CDK14: variants seen among roughly 807,000 people sequenced by gnomAD.
CDK14 encodes the protein cyclin-dependent kinase 14.
A neutral mutation model predicts 60.7 loss-of-function variants in CDK14; 34 were observed. The ratio of observed to expected loss-of-function variants is 0.56; its 90% confidence interval spans 0.43 to 0.75. CDK14 has a LOEUF of 0.75. Ranked by LOEUF, CDK14 falls within the 30% of genes least tolerant of loss-of-function variation. The pLI, the probability that CDK14 is intolerant of heterozygous loss-of-function variation, is 0.00. For missense variants in CDK14, 482 were observed against 564.1 expected, an observed-to-expected ratio of 0.85 and a Z score of 1.47; for synonymous variants, 197 against 203.7, an observed-to-expected ratio of 0.97 and a Z score of 0.28.
At chr7:90,999,287 C>T (rs975059199) in intron 10 of CDK14, among the ~76,000 whole-genome samples, 1 of 151,952 alleles carries the variant, frequency 6.6e-6, no homozygotes, top group Admixed American at 6.6e-5. Flanking sequence ...CAAGCTGAAG[C>T]ATTAAAAACC....
chr7:91,037,112 T>C (rs1369742349), intron 10 of CDK14, among the ~76,000 whole-genome samples: 2 of 152,238 alleles, frequency 1.3e-5, no homozygotes. Flanking sequence ...CCTGTTCCCA[T>C]CTTGAACGAT....
chr7:91,076,820 A>G (rs935102716), intron 11 of CDK14, among the ~76,000 whole-genome samples: 4 of 152,234 alleles, frequency 2.6e-5, no homozygotes, highest in African/African-American at 9.6e-5. Flanking sequence ...AAACAACCCC[A>G]TCAAAAAGTG....
chr7:90,949,246 C>T (rs2117540913), intron 8 of CDK14, among the ~76,000 whole-genome samples: 1 of 151,998 alleles, frequency 6.6e-6, no homozygotes, highest in South Asian at 2.1e-4. Context: ...CTATTGTTGT[C>T]CAGGCTGGAG....
intron 2 of CDK14, among the ~76,000 whole-genome samples, chr7:90,687,050 T>C (rs1801453485): frequency 6.6e-6 from 1 of 152,142 alleles, no homozygotes; most frequent in Non-Finnish European, 1.5e-5. Context: ...TGATTGAATT[T>C]TTTTTTTAAG....
At chr7:90,672,324 C>G (rs1424110197) in intron 2 of CDK14, among the ~76,000 whole-genome samples, 1 of 152,034 alleles carries the variant, frequency 6.6e-6, no homozygotes. Flanking sequence ...CACCCACTTA[C>G]GTGCCCTCCT....
At chr7:90,621,786 A>AT (rs1277723028) in intron 2 of CDK14, among the ~76,000 whole-genome samples, 1 of 151,832 alleles carries the variant, frequency 6.6e-6, no homozygotes, top group East Asian at 1.9e-4. Flanking sequence ...ACCTTATTTA[A>AT]TTTTCCCAGT....
chr7:90,706,260 C>T (rs934316597), intron 2 of CDK14, among the ~76,000 whole-genome samples: 2 of 152,136 alleles, frequency 1.3e-5, no homozygotes, highest in African/African-American at 4.8e-5. Flanking sequence ...TGCAGCTTTG[C>T]GCTCTCCCTG....
intron 5 of CDK14, among the ~76,000 whole-genome samples, chr7:90,823,489 G>C (rs544802869): frequency 1.2e-4 from 18 of 152,152 alleles, no homozygotes; most frequent in Non-Finnish European, 2.6e-4. Flanking sequence ...TGGCACAAAG[G>C]CTTCCGGCAC....
chr7:90,681,348 C>T (rs377174185), intron 2 of CDK14, among the ~76,000 whole-genome samples: 6 of 152,088 alleles, frequency 3.9e-5, no homozygotes, highest in South Asian at 2.1e-4. Context: ...GTACTTAGTT[C>T]GCTTGTTTGA....
chr7:90,651,949 AT>A (rs1179907940), intron 2 of CDK14, among the ~76,000 whole-genome samples: 6 of 152,094 alleles, frequency 3.9e-5, no homozygotes, highest in Admixed American at 1.3e-4. Flanking sequence ...ACACTGTATA[AT>A]TTTGGCTTTA....
In CDK14 at chr7:91,134,173, C is replaced by T. The variant is rs558962828; in HGVS notation, c.*28+15965C>T. 2.0e-5 allele frequency among the ~76,000 whole-genome samples: 3 copies of T among 152,182 alleles called. No homozygotes were observed. The South Asian group carries it at 6.2e-4, about 32-fold the overall frequency. On this transcript the variant is annotated intron_variant, in intron 14 of 14. Transcript: ENST00000380050. ...ATGAAACAATATGTACTTTCCTATG[C>T]CAAGACTAATTCTACAACATTGCTT...
At chr7:91,086,671 G>A (rs1003175289) in intron 12 of CDK14, among the ~76,000 whole-genome samples, 6 of 151,744 alleles carry the variant, frequency 4.0e-5, no homozygotes, top group Admixed American at 1.3e-4. Flanking sequence ...GTGTGTGTGT[G>A]TGTGTGTGTG....
intron 4 of CDK14, among the ~76,000 whole-genome samples, chr7:90,783,192 T>A (rs1805418809): frequency 1.3e-5 from 2 of 152,198 alleles, no homozygotes; most frequent in South Asian, 4.1e-4. Flanking sequence ...TAGCAATCAA[T>A]TCTTTTTATA....
chr7:91,138,016 C>A (rs1316796554), intron 14 of CDK14, among the ~76,000 whole-genome samples: 1 of 152,126 alleles, frequency 6.6e-6, no homozygotes, highest in Non-Finnish European at 1.5e-5. Context: ...AAATAGAGTT[C>A]TGTGGAATGG....
chr7:90,867,214 T>G (rs1791221120), intron 6 of CDK14, among the ~76,000 whole-genome samples: 1 of 152,212 alleles, frequency 6.6e-6, no homozygotes, highest in Admixed American at 6.5e-5. Flanking sequence ...TTATTATAGC[T>G]GTCTTTTTTC....
intron 2 of CDK14, among the ~76,000 whole-genome samples, chr7:90,616,291 A>G (rs997820151): frequency 6.6e-6 from 1 of 152,208 alleles, no homozygotes; most frequent in African/African-American, 2.4e-5. Flanking sequence ...TAATGAAAAC[A>G]TTTTTTATTA....
At chr7:90,917,106 C>G (rs1208365209) in intron 7 of CDK14, among the ~76,000 whole-genome samples, 1 of 152,120 alleles carries the variant, frequency 6.6e-6, no homozygotes, top group East Asian at 1.9e-4. Context: ...TTCAGATCAT[C>G]TTATCTTTCC....
chr7:90,654,462 A>C (rs1301170758), intron 2 of CDK14, among the ~76,000 whole-genome samples: 2 of 152,202 alleles, frequency 1.3e-5, no homozygotes, highest in East Asian at 3.8e-4. Flanking sequence ...ATTTAGCTTA[A>C]TGAAACAACA....
chr7:90,615,048 T>C (rs1366395702), intron 2 of CDK14, among the ~76,000 whole-genome samples: 1 of 152,160 alleles, frequency 6.6e-6, no homozygotes, highest in African/African-American at 2.4e-5. Flanking sequence ...ATAATGAAAT[T>C]AATAGTTTTC....
Sources: gnomAD v4.1 joint callset for allele counts (sites outside exome capture counted in the v4.1 genomes callset) on GRCh38, gnomAD v4.1.1 for gene constraint, MANE v1.5 for transcripts, NCBI Gene and HGNC (gene_info 2026-07-23, HGNC 2026-07-21) for gene names.